The following DENND2B variants were observed in gnomAD, a reference collection of about 807,000 sequenced individuals.
The protein encoded by DENND2B is DENN domain containing 2B, also known as DENN domain-containing protein 2B.
Under a neutral mutation model 116.0 loss-of-function variants are expected in DENND2B, and 32 were observed. That is an observed-to-expected ratio of 0.28 (90% CI 0.21 to 0.37). DENND2B has a LOEUF of 0.37. Among genes scored for constraint, DENND2B ranks in the 10% least tolerant of loss-of-function variants. The pLI is 1.00. For missense variants in DENND2B, 1,276 were observed against 1,477.7 expected (o/e 0.86, Z 2.24); for synonymous variants, 588 against 583.9 (o/e 1.01, Z -0.10).
At chr11:8,873,156 G>A (rs1015295169), upstream of DENND2B, among the ~76,000 whole-genome samples, 30 of 152,238 alleles carry the variant, frequency 2.0e-4, no homozygotes, top group Non-Finnish European at 1.3e-4. Context: ...AAAACTATTA[G>A]AACCTCTACT....
At chr11:8,898,680 C>T (rs1295749374) in intron 1 of DENND2B, among the ~76,000 whole-genome samples, 2 of 152,186 alleles carry the variant, frequency 1.3e-5, no homozygotes, top group African/African-American at 4.8e-5. Context: ...CATTCATTTA[C>T]ATATTGTCTA....
rs1262101501 is a variant in DENND2B, at chr11:8,707,259, G to T, written c.2431-34C>A. 3.8e-6 allele frequency: 6 copies of T among 1,594,062 alleles called. No homozygotes were observed. The South Asian group carries it at 4.5e-5, about 12-fold the overall frequency. ...ACCGCCAGCAGCCCAAAGAGGAAGG[G>T]TGTCAGGGCACTGCCCTTCCCCCTC... On this transcript the variant is annotated intron_variant, in intron 12 of 19. Transcript: ENST00000313726. The surrounding 1 kb of genome is among the most constrained non-coding windows in gnomAD (Gnocchi z 4.8).
At chr11:8,819,061 G>A (rs1188647031) in intron 4 of DENND2B, among the ~76,000 whole-genome samples, 7 of 152,280 alleles carry the variant, frequency 4.6e-5, no homozygotes, top group African/African-American at 7.2e-5. Context: ...AAGAAGTTAC[G>A]TTTTTTGTAT....
At chr11:8,743,026 T>G (rs2050499183) in intron 2 of DENND2B, among the ~76,000 whole-genome samples, 2 of 151,682 alleles carry the variant, frequency 1.3e-5, no homozygotes. Flanking sequence ...ATCGCGCCAT[T>G]GCGCTCCAGC....
At chr11:8,786,825 C>T (rs932360423) in intron 1 of DENND2B, among the ~76,000 whole-genome samples, 1 of 151,680 alleles carries the variant, frequency 6.6e-6, no homozygotes, top group Admixed American at 6.6e-5. Flanking sequence ...TCAAAGAAAA[C>T]AAACAAACAA....
intron 2 of DENND2B, among the ~76,000 whole-genome samples, chr11:8,868,357 C>A (rs1274248848): frequency 6.6e-6 from 1 of 152,198 alleles, no homozygotes; most frequent in African/African-American, 2.4e-5. Context: ...CACTGCTTTA[C>A]CCATAGCTCC....
At chr11:8,753,903 T>TAAA (rs926191475) in intron 1 of DENND2B, among the ~76,000 whole-genome samples, 1 of 151,832 alleles carries the variant, frequency 6.6e-6, no homozygotes, top group Non-Finnish European at 1.5e-5. Context: ...AAAAATAAAG[T>TAAA]AAAAAATGTA....
chr11:8,896,790 G>A (rs530528976), intron 1 of DENND2B, among the ~76,000 whole-genome samples: 10 of 152,316 alleles, frequency 6.6e-5, no homozygotes, highest in African/African-American at 2.4e-4. Flanking sequence ...CATGTTTAAG[G>A]TAGGCTATGC....
rs1036243256 is a variant in DENND2B, at chr11:8,702,968, G to A, written c.2572-248C>T. On this transcript the variant is annotated intron_variant, in intron 13 of 19. Coordinates refer to ENST00000313726, the MANE Select transcript of DENND2B (RefSeq NM_213618.2). This position sits in a 1 kb window ranked among gnomAD's most constrained non-coding sequence, Gnocchi z 4.6. ...AAAGCGGGGAAGGCTCCAGAAGGAA[G>A]GAGTTGAGGGGCCATCCATCGGGAC... 1 of 509,718 alleles carries A rather than the reference G, an allele frequency of 2.0e-6. No individual in the cohort carries two copies. Among genetic ancestry groups the A allele is most frequent in the Non-Finnish European group, 3.5e-6 (1 of 285,436 alleles). The allele number at this position is 509,718 out of a possible 1,614,324, so 31.6% of individuals were successfully genotyped here.
chr11:8,696,348 G>A, intron 18 of DENND2B, 79 bp downstream of exon 18: 3 of 1,569,660 alleles, frequency 1.9e-6, no homozygotes, highest in Non-Finnish European at 2.6e-6. Context: ...ATGTCCAAGA[G>A]CTTCCATCAT....
chr11:8,707,470 C>G lies in DENND2B; in HGVS notation c.2431-245G>C, dbSNP rs2042804927. ...GCGGAGTAGCTGGGCAAAGGAAATACCACCCAAGAGTCAGCTCCCTGGGCG... is the reference window on the plus strand; with the variant it reads ...GCGGAGTAGCTGGGCAAAGGAAATAGCACCCAAGAGTCAGCTCCCTGGGCG... On this transcript the variant is annotated intron_variant, in intron 12 of 19. Transcript: ENST00000313726. This position sits in a 1 kb window ranked among gnomAD's most constrained non-coding sequence, Gnocchi z 4.8. Among the ~76,000 whole-genome samples the G allele has an allele frequency of 3.3e-5, 5 of 152,222 alleles. No individual in the cohort carries two copies. The highest frequency in any genetic ancestry group is 3.3e-4 in the Admixed American group (5 of 15,286).
intron 1 of DENND2B, among the ~76,000 whole-genome samples, chr11:8,805,747 A>AG (rs1391021587): frequency 6.6e-6 from 1 of 152,164 alleles, no homozygotes; most frequent in Non-Finnish European, 1.5e-5. Flanking sequence ...TGGGGGAGAG[A>AG]GGGGAAGAAA....
At chr11:8,750,831 G>T in intron 1 of DENND2B, 106 bp from the exon 2 acceptor site, 1 of 971,612 alleles carries the variant, frequency 1.0e-6, no homozygotes, top group South Asian at 1.4e-5. Flanking sequence ...GTCTGTGGCA[G>T]GTAGTAGAAA....
chr11:8,775,175 C>T (rs1303723571), intron 1 of DENND2B, among the ~76,000 whole-genome samples: 2 of 152,136 alleles, frequency 1.3e-5, no homozygotes, highest in African/African-American at 4.8e-5. Flanking sequence ...GCCACTGTGC[C>T]TGGCCCCCAT....
At chr11:8,862,877 G>A (rs1007413400) in intron 2 of DENND2B, among the ~76,000 whole-genome samples, 6 of 152,212 alleles carry the variant, frequency 3.9e-5, no homozygotes, top group Middle Eastern at 3.4e-3. Flanking sequence ...CTATGTAGGC[G>A]ACTCAAATGT....
intron 1 of DENND2B, among the ~76,000 whole-genome samples, chr11:8,802,299 G>GAAA (rs35492912): frequency 0.22 from 31,533 of 144,360 alleles, 3,579 homozygotes; most frequent in South Asian, 0.34. Context: ...ACTCTGTCTG[G>GAAA]AAAAAAAAAA....
At chr11:8,870,676 C>T (rs1412400992) in intron 2 of DENND2B, among the ~76,000 whole-genome samples, 1 of 152,050 alleles carries the variant, frequency 6.6e-6, no homozygotes, top group Non-Finnish European at 1.5e-5. Context: ...CACCAGGCAG[C>T]TCTTCACCGC....
At position 8,878,485 on chromosome 11, in the gene DENND2B, G is replaced by A. The variant is rs576419694; in HGVS notation, c.-156+2525C>T. On this transcript the variant is annotated intron_variant, in intron 2 of 22. Transcript: ENST00000534127. ...GCTCACTGCAACCTCCACCTCCTGG[G>A]TTCAAGCAGTTCTCCTGTCTCAGCC... 2.0e-5 allele frequency among the ~76,000 whole-genome samples: 3 copies of A among 152,106 alleles called. No homozygotes were observed. The East Asian group carries it at 5.8e-4, about 30-fold the overall frequency.
intron 2 of DENND2B, among the ~76,000 whole-genome samples, chr11:8,860,821 T>C (rs1295169484): frequency 1.3e-5 from 2 of 152,184 alleles, no homozygotes; most frequent in African/African-American, 4.8e-5. Context: ...ACAGCAATGG[T>C]ACTGGTATAA....
Sources: allele counts gnomAD v4.1 joint callset (sites outside exome capture counted in the v4.1 genomes callset), GRCh38; gene constraint gnomAD v4.1.1; non-coding constraint Gnocchi (gnomAD v3.1); transcripts MANE v1.5; gene names NCBI Gene and HGNC (gene_info 2026-07-23, HGNC 2026-07-21).